The following MSRA variants were observed in gnomAD, a reference collection of about 807,000 sequenced individuals.
MSRA encodes mitochondrial peptide methionine sulfoxide reductase.
A neutral mutation model predicts 31.3 loss-of-function variants in MSRA; 54 were observed. That is an observed-to-expected ratio of 1.73 (90% confidence interval 1.39 to 2.17). The LOEUF (loss-of-function observed/expected upper bound fraction) is 2.17, where lower values mean the gene tolerates loss of function less well. MSRA is among the 30% of genes most tolerant of loss of function. MSRA has a pLI of 0.00. For synonymous variants in MSRA, 169 were observed against 116.5 expected (o/e 1.45, Z -2.90); for missense variants, 507 against 300.9 (o/e 1.69, Z -5.07).
intron 5 of MSRA, among the ~76,000 whole-genome samples, chr8:10,381,652 G>T (rs1297234296): frequency 6.6e-6 from 1 of 152,196 alleles, no homozygotes; most frequent in Non-Finnish European, 1.5e-5. Context: ...ATTCTTTCAG[G>T]AGTTGCTAGA....
intron 5 of MSRA, among the ~76,000 whole-genome samples, chr8:10,427,754 C>T (rs955874857): frequency 2.6e-5 from 4 of 152,288 alleles, no homozygotes; most frequent in South Asian, 2.1e-4. Context: ...CTCTCAGGGA[C>T]ATCCATTTAC....
At chr8:10,280,423 C>A (rs1799560209) in intron 3 of MSRA, among the ~76,000 whole-genome samples, 1 of 152,056 alleles carries the variant, frequency 6.6e-6, no homozygotes, top group African/African-American at 2.4e-5. Flanking sequence ...AGTAGCAGCT[C>A]CATTATAATT....
intron 5 of MSRA, among the ~76,000 whole-genome samples, chr8:10,388,851 T>C (rs11249997): frequency 0.88 from 133,731 of 151,362 alleles, 59,992 homozygotes; most frequent in Non-Finnish European, 0.96. Flanking sequence ...AGCTTGCTGC[T>C]TCCCCTGCGA....
chr8:10,111,343 C>T (rs1800264268), intron 1 of MSRA, among the ~76,000 whole-genome samples: 1 of 152,184 alleles, frequency 6.6e-6, no homozygotes, highest in African/African-American at 2.4e-5. Flanking sequence ...CCCCCTCCCT[C>T]ATTGAGATGC....
intron 1 of MSRA, among the ~76,000 whole-genome samples, chr8:10,143,194 C>T (rs1355394589): frequency 6.6e-6 from 1 of 151,908 alleles, no homozygotes; most frequent in Admixed American, 6.6e-5. Context: ...CTGAAATGTG[C>T]TTAATTGTTT....
At chr8:10,101,159 A>G (rs970699144) in intron 1 of MSRA, among the ~76,000 whole-genome samples, 6 of 152,054 alleles carry the variant, frequency 3.9e-5, no homozygotes, top group African/African-American at 9.7e-5. Context: ...TTTTGACTCA[A>G]TTTTTTGGTT....
At chr8:10,135,061 G>C (rs1228043922) in intron 1 of MSRA, among the ~76,000 whole-genome samples, 2 of 152,242 alleles carry the variant, frequency 1.3e-5, no homozygotes, top group African/African-American at 4.8e-5. Flanking sequence ...GAGGAAGCTG[G>C]TGTAGGAATG....
chr8:10,398,279 G>T (rs1807227078), intron 5 of MSRA, among the ~76,000 whole-genome samples: 1 of 152,150 alleles, frequency 6.6e-6, no homozygotes, highest in Admixed American at 6.5e-5. Context: ...CATCTGATTT[G>T]GGGGAGCTTC....
At chr8:10,401,675 G>A (rs1807473415) in intron 5 of MSRA, among the ~76,000 whole-genome samples, 2 of 96,906 alleles carry the variant, frequency 2.1e-5, no homozygotes, top group African/African-American at 3.4e-5. Context: ...GTCATCAGAT[G>A]AATGGGTAAA....
At chr8:10,283,160 A>ACACACACACTCTCTCTCT in intron 3 of MSRA, among the ~76,000 whole-genome samples, 1 of 140,238 alleles carries the variant, frequency 7.1e-6, no homozygotes, top group African/African-American at 2.7e-5. Flanking sequence ...ACACACACAC[A>ACACACACACTCTCTCTCT]CTCTCACCCT....
At chr8:10,385,622 A>G (rs1806340951) in intron 5 of MSRA, among the ~76,000 whole-genome samples, 1 of 152,146 alleles carries the variant, frequency 6.6e-6, no homozygotes, top group African/African-American at 2.4e-5. Flanking sequence ...TGGCTCCCAG[A>G]GTTCAGTGGG....
intron 5 of MSRA, among the ~76,000 whole-genome samples, chr8:10,403,615 C>T (rs945775601): frequency 1.3e-5 from 2 of 152,236 alleles, no homozygotes; most frequent in Non-Finnish European, 2.9e-5. Context: ...CCAACAGTCT[C>T]CAGCTTGTGC....
chr8:10,252,405 G>C (rs74822129), intron 3 of MSRA, among the ~76,000 whole-genome samples: 1 of 152,158 alleles, frequency 6.6e-6, no homozygotes, highest in Non-Finnish European at 1.5e-5. Context: ...TATGATTTCT[G>C]TTAGGCTGGA....
At chr8:10,328,648 A>C (rs1481094140) in intron 5 of MSRA, among the ~76,000 whole-genome samples, 2 of 152,134 alleles carry the variant, frequency 1.3e-5, no homozygotes, top group Non-Finnish European at 2.9e-5. Flanking sequence ...AGGTCCTTCA[A>C]AGTCATGTCA....
intron 1 of MSRA, among the ~76,000 whole-genome samples, chr8:10,199,269 G>A (rs1360958205): frequency 6.6e-6 from 1 of 152,122 alleles, no homozygotes; most frequent in East Asian, 1.9e-4. Flanking sequence ...GGAATAGGGG[G>A]CATGGTAGGC....
chr8:10,095,628 G>C, intron 1 of MSRA: 1 of 990,460 alleles, frequency 1.0e-6, no homozygotes, highest in Non-Finnish European at 1.2e-6. Flanking sequence ...ACTTGGCACA[G>C]CTCAGTCAAA....
rs371638496 is a variant in MSRA, at chr8:10,093,150, A to G, written c.142+38492A>G. On this transcript the variant is annotated intron_variant, in intron 1 of 5. Transcript: ENST00000317173. ...AAATTTTAATCCGTTCTGCCAATCT[A>G]TGTCTTTTAATTGGAGTGTTTAATT... Among the ~76,000 whole-genome samples the G allele has an allele frequency of 7.9e-5, 12 of 152,184 alleles. No individual in the cohort carries two copies. The South Asian group carries it at 8.3e-4, about 11-fold the overall frequency.
At chr8:10,337,964 G>T (rs1803161868) in intron 5 of MSRA, 1 of 617,380 alleles carries the variant, frequency 1.6e-6, no homozygotes, top group Admixed American at 2.5e-5. Flanking sequence ...AAACTGGGTG[G>T]CCCAGGAAAG....
chr8:10,212,113 G>T (rs970057749), intron 2 of MSRA, among the ~76,000 whole-genome samples: 1 of 151,936 alleles, frequency 6.6e-6, no homozygotes, highest in African/African-American at 2.4e-5. Flanking sequence ...CTTGAACCCA[G>T]GAGGCGGAGG....
Sources: gnomAD v4.1 joint callset for allele counts (sites outside exome capture counted in the v4.1 genomes callset) on GRCh38, gnomAD v4.1.1 for gene constraint, MANE v1.5 for transcripts, NCBI Gene and HGNC (gene_info 2026-07-23, HGNC 2026-07-21) for gene names.